The following GPATCH8 variants were observed in gnomAD, a reference collection of about 807,000 sequenced individuals.
The protein encoded by GPATCH8 is G-patch domain containing 8.
In GPATCH8, 18 loss-of-function variants were observed where a neutral mutation model predicts 118.3. That is an observed-to-expected ratio of 0.15 (90% CI 0.11 to 0.23). The LOEUF (loss-of-function observed/expected upper bound fraction) is 0.23. GPATCH8 is among the 10% of genes least tolerant of loss of function. The probability of loss-of-function intolerance (pLI) is 1.00; values close to 1 mark genes in which losing one functional copy is unlikely to be tolerated. For missense variants in GPATCH8, 1,631 were observed against 1,873.8 expected (o/e 0.87, Z 2.39); for synonymous variants, 659 against 684.7 (o/e 0.96, Z 0.59).
At chr17:44,439,621 A>G (rs2050621803) in intron 3 of GPATCH8, among the ~76,000 whole-genome samples, 1 of 152,146 alleles carries the variant, frequency 6.6e-6, no homozygotes, top group South Asian at 2.1e-4. Context: ...GCATTAAAAA[A>G]CAAAACAAAA....
Position 44,398,684 on chromosome 17 carries a change from A to C in GPATCH8, c.3393T>G (p.Phe1131Leu). The stretch of plus-strand genomic sequence containing the variant: ...CAAGAGATGGGGGGAGCTTGGGCCC[A>C]AAGTAACCTTGTGGGGGGTCCTTGA... ...PKLKDPPQGY[F>L]GPKLPPSLGN... is the part of the protein sequence containing the mutation. Residue 1131 changes from phenylalanine to leucine, a missense_variant, in exon 8 of 8, where the codon TTT becomes TTG. Physicochemically the swap from Phe to Leu is conservative, Grantham distance 22. Around this residue, in one of 8 missense-constraint regions of GPATCH8, gnomAD observed 922 missense variants for 879.7 expected, o/e 1.05. Transcript: ENST00000591680. The C allele has an allele frequency of 1.3e-6, 2 of 1,580,670 alleles. No individual in the cohort carries two copies. The highest frequency in any genetic ancestry group is 1.7e-6 in the Non-Finnish European group (2 of 1,162,386).
chr17:44,499,645 T>A (rs962798632), intron 1 of GPATCH8, among the ~76,000 whole-genome samples: 3 of 152,256 alleles, frequency 2.0e-5, no homozygotes, highest in Non-Finnish European at 2.9e-5. Context: ...TATAGCTAGC[T>A]GTACATCACT....
At chr17:44,491,005 C>T (rs999403983) in intron 1 of GPATCH8, among the ~76,000 whole-genome samples, 1 of 152,036 alleles carries the variant, frequency 6.6e-6, no homozygotes, top group Non-Finnish European at 1.5e-5. Context: ...CTACATAATC[C>T]CACAGCTGTA....
At chr17:44,426,027 G>C (rs1246218006) in intron 5 of GPATCH8, among the ~76,000 whole-genome samples, 1 of 152,184 alleles carries the variant, frequency 6.6e-6, no homozygotes, top group Non-Finnish European at 1.5e-5. Context: ...GCTCTTTATA[G>C]AACCTGAATG....
intron 5 of GPATCH8, among the ~76,000 whole-genome samples, chr17:44,430,945 T>C (rs1358170685): frequency 6.6e-6 from 1 of 151,398 alleles, no homozygotes; most frequent in South Asian, 2.1e-4. Context: ...GCCACCGCAC[T>C]GGCCACAGTG....
chr17:44,500,931 C>A (rs1181503100), intron 1 of GPATCH8, among the ~76,000 whole-genome samples: 1 of 152,192 alleles, frequency 6.6e-6, no homozygotes, highest in Non-Finnish European at 1.5e-5. Flanking sequence ...AATCAAAATA[C>A]ATCATTAAAT....
At chr17:44,450,471 C>T (rs2051072067) in intron 3 of GPATCH8, among the ~76,000 whole-genome samples, 1 of 152,162 alleles carries the variant, frequency 6.6e-6, no homozygotes, top group South Asian at 2.1e-4. Context: ...TTTGCTCCCT[C>T]CTTTTGAACC....
intron 5 of GPATCH8, among the ~76,000 whole-genome samples, chr17:44,427,181 T>A: frequency 6.6e-6 from 1 of 151,908 alleles, no homozygotes; most frequent in East Asian, 1.9e-4. Context: ...GCTCAATTAA[T>A]CCTCCCACCT....
chr17:44,407,901 C>T (rs2049293155), intron 6 of GPATCH8, among the ~76,000 whole-genome samples: 1 of 152,124 alleles, frequency 6.6e-6, no homozygotes, highest in South Asian at 2.1e-4. Context: ...AAGTGATCTA[C>T]CTGCCTCGGC....
chr17:44,485,285 A>G (rs1968692046), intron 1 of GPATCH8, among the ~76,000 whole-genome samples: 1 of 152,030 alleles, frequency 6.6e-6, no homozygotes, highest in South Asian at 2.1e-4. Flanking sequence ...TTCATTTAAA[A>G]ATTTTTTTTT....
At chr17:44,460,028 C>G (rs1009370844) in intron 3 of GPATCH8, among the ~76,000 whole-genome samples, 2 of 152,138 alleles carry the variant, frequency 1.3e-5, no homozygotes, top group Non-Finnish European at 2.9e-5. Flanking sequence ...ACTTCAGGCA[C>G]CATTTCTGGG....
intron 1 of GPATCH8, among the ~76,000 whole-genome samples, chr17:44,483,206 T>TATACACACAC (rs1555646850): frequency 1.3e-5 from 1 of 77,486 alleles, no homozygotes; most frequent in African/African-American, 5.0e-5. Flanking sequence ...TATATATATA[T>TATACACACAC]ATATATATAT....
Position 44,397,071 on chromosome 17 carries a change from A to G in GPATCH8, c.*497T>C, listed in dbSNP as rs767294512. On this transcript the variant is annotated 3_prime_UTR_variant, in exon 8 of 8. Transcript: ENST00000591680. ...AACGTAACGTCACCAAAGATGGTCAAAGATACTACCCCAAAATGGTGGCAC... is the reference window on the plus strand; with the variant it reads ...AACGTAACGTCACCAAAGATGGTCAGAGATACTACCCCAAAATGGTGGCAC... The G allele has an allele frequency of 1.2e-4, 55 of 454,246 alleles. No homozygotes were observed. The highest frequency in any genetic ancestry group is 2.4e-4 in the Non-Finnish European group (54 of 226,980). The allele number at this position is 454,246 out of a possible 1,614,324, so 28.1% of individuals were successfully genotyped here.
At chr17:44,449,721 G>A (rs2051043843) in intron 3 of GPATCH8, among the ~76,000 whole-genome samples, 1 of 149,476 alleles carries the variant, frequency 6.7e-6, no homozygotes, top group Non-Finnish European at 1.5e-5. Context: ...TCTCCATGTT[G>A]AGGCTGGTCT....
In GPATCH8 at chr17:44,458,928, A is replaced by G. The variant is rs564301510; in HGVS notation, c.193+5544T>C. 1.1e-4 allele frequency among the ~76,000 whole-genome samples: 16 copies of G among 152,330 alleles called. No homozygotes were observed. The East Asian group carries it at 1.5e-3, about 15-fold the overall frequency. The stretch of plus-strand genomic sequence containing the variant: ...AATAATTCTACCATTGTTCATCCTA[A>G]TAATTTCATGATTTCATTTTTTACA... On this transcript the variant is annotated intron_variant, in intron 3 of 7. Coordinates refer to ENST00000591680, the MANE Select transcript of GPATCH8 (RefSeq NM_001002909.4).
At position 44,466,501 on chromosome 17, in the gene GPATCH8, AAATAT is replaced by A. The variant is rs1413230686; in HGVS notation, c.121-1962_121-1958del. Among the ~76,000 whole-genome samples the A allele has an allele frequency of 3.9e-5, 6 of 152,132 alleles. No homozygotes were observed. The East Asian group carries it at 7.7e-4, about 20-fold the overall frequency. On this transcript the variant is annotated intron_variant, in intron 2 of 7. Coordinates refer to ENST00000591680, the MANE Select transcript of GPATCH8 (RefSeq NM_001002909.4). ...ACTTCCACATTACTACACATCACAAAAATATAATATAACACTACTGGCTGCTGGGG... is the reference window on the plus strand; with the variant it reads ...ACTTCCACATTACTACACATCACAAAAATATAACACTACTGGCTGCTGGGG...
At chr17:44,481,252 T>C (rs1457232100) in intron 1 of GPATCH8, among the ~76,000 whole-genome samples, 1 of 152,196 alleles carries the variant, frequency 6.6e-6, no homozygotes, top group African/African-American at 2.4e-5. Flanking sequence ...GAACATAAAA[T>C]AGTACACTCA....
chr17:44,453,687 G>A (rs1163167397), intron 3 of GPATCH8, among the ~76,000 whole-genome samples: 1 of 151,936 alleles, frequency 6.6e-6, no homozygotes, highest in Non-Finnish European at 1.5e-5. Context: ...ACCATGCCAG[G>A]CTAATTTTTT....
chr17:44,424,979 T>C (rs1038954554), intron 5 of GPATCH8, among the ~76,000 whole-genome samples: 11 of 151,850 alleles, frequency 7.2e-5, no homozygotes, highest in East Asian at 3.9e-4. Flanking sequence ...CTCAGCGAGA[T>C]TGAAAACTGT....
Sources: allele counts gnomAD v4.1 joint callset (sites outside exome capture counted in the v4.1 genomes callset), GRCh38; gene constraint gnomAD v4.1.1; regional missense constraint gnomAD v4.1.1; transcripts MANE v1.5; gene names NCBI Gene and HGNC (gene_info 2026-07-23, HGNC 2026-07-21).